Variants in EPB41 observed in about 807,000 individuals in gnomAD.
EPB41 encodes the protein protein 4.1.
EPB41 carries 65 observed loss-of-function variants against 108.0 expected under a neutral mutation model. The ratio of observed to expected loss-of-function variants is 0.60; its 90% CI spans 0.49 to 0.74. The LOEUF is 0.74. Among genes scored for constraint, EPB41 ranks in the 30% least tolerant of loss-of-function variants. The pLI is 0.00. For missense variants in EPB41, 875 were observed against 1,037.0 expected, an observed-to-expected ratio of 0.84 and a Z score of 2.15; for synonymous variants, 336 against 358.9, an observed-to-expected ratio of 0.94 and a Z score of 0.72.
chr1:29,011,292 G>A (rs1015372803), intron 4 of EPB41, among the ~76,000 whole-genome samples: 2 of 151,782 alleles, frequency 1.3e-5, no homozygotes, highest in African/African-American at 2.4e-5. Context: ...TTGAACCCAC[G>A]AGGCGGAGGT....
intron 11 of EPB41, chr1:29,041,600 T>C (rs1641573706): frequency 6.6e-6 from 1 of 152,000 alleles, no homozygotes; most frequent in African/African-American, 2.4e-5. Context: ...AAAAGCAAGA[T>C]ACATGTTGTT....
intron 4 of EPB41, among the ~76,000 whole-genome samples, chr1:29,006,827 G>C (rs1368862167): frequency 6.6e-6 from 1 of 151,876 alleles, no homozygotes; most frequent in African/African-American, 2.4e-5. Flanking sequence ...TTGAGCCGGA[G>C]AGGTGGAGGT....
chr1:29,109,351 G>A lies in EPB41; in HGVS notation c.2329G>A (p.Gly777Arg), dbSNP rs1421295153. The change falls in exon 18 of 21, where the codon GGA (glycine) becomes AGA (arginine). Residue 777 changes from glycine to arginine, a missense_variant. This residue lies in a region of EPB41 where 519 missense variants were observed against 627.3 expected (regional missense o/e 0.83). Transcript: ENST00000343067. Reference sequence around the variant, plus strand: ...TCTTCTGCAGACTGACGACAACAGTGGAGACTTGGACCCAGGAGTCTTGCT... The same window carrying A: ...TCTTCTGCAGACTGACGACAACAGTAGAGACTTGGACCCAGGAGTCTTGCT... ...YEAAQTDDNS[G>R]DLDPGVLLTA... 6.2e-7 allele frequency: 1 copy of A among 1,614,060 alleles called. No individual in the cohort carries two copies. The highest frequency in any genetic ancestry group is 8.5e-7 in the Non-Finnish European group (1 of 1,179,950).
chr1:29,030,713 G>C (rs547798518), intron 8 of EPB41, among the ~76,000 whole-genome samples: 1 of 151,694 alleles, frequency 6.6e-6, no homozygotes, highest in Non-Finnish European at 1.5e-5. Flanking sequence ...GAGATCGAGC[G>C]TACAGTGAGC....
At chr1:28,926,183 TAA>T (rs5773225) in intron 1 of EPB41, among the ~76,000 whole-genome samples, 488 of 146,836 alleles carry the variant, frequency 3.3e-3, no homozygotes, top group Admixed American at 3.7e-3. Flanking sequence ...CCATCTCTAC[TAA>T]AAAAAAAAAA....
intron 16 of EPB41, chr1:29,070,233 GC>G (rs1230280531): frequency 1.1e-5 from 8 of 736,960 alleles, no homozygotes; most frequent in East Asian, 1.0e-4. Flanking sequence ...ATAAAGTAAA[GC>G]TAAAATGAAG....
chr1:29,103,360 T>G (rs574059593), intron 17 of EPB41, among the ~76,000 whole-genome samples: 2 of 152,212 alleles, frequency 1.3e-5, no homozygotes, highest in Admixed American at 6.6e-5. Context: ...TAGAGAAATA[T>G]AAAGGCAGCG....
rs1239116825 is a variant in EPB41, at chr1:29,035,903, A to G, written c.1443A>G (p.Val481=). 7 of 1,612,512 alleles carry G rather than the reference A, an allele frequency of 4.3e-6. No homozygotes were observed. Among genetic ancestry groups the G allele is most frequent in the Non-Finnish European group, 5.9e-6 (7 of 1,178,614 alleles). Residue 481 remains valine, a synonymous_variant, in exon 10 of 21, where the codon GTA becomes GTG. Transcript: ENST00000343067. ...CTAAGAAATTATGGAAAGTCTGTGT[A>G]GAACATCACACGTTTTTCAGGTATT... ...RAAKKLWKVC[V]EHHTFFRLTS...
chr1:29,048,131 T>C (rs1643855962), intron 11 of EPB41, among the ~76,000 whole-genome samples: 1 of 152,126 alleles, frequency 6.6e-6, no homozygotes, highest in African/African-American at 2.4e-5. Flanking sequence ...AAAGTAATTG[T>C]CTTAAGTTTT....
At chr1:29,102,361 T>C (rs1174296178) in intron 17 of EPB41, among the ~76,000 whole-genome samples, 2 of 152,086 alleles carry the variant, frequency 1.3e-5, no homozygotes, top group East Asian at 3.9e-4. Context: ...AAGGGATGTA[T>C]ATTGCAGCTA....
chr1:28,902,263 T>C (rs1219444483), intron 1 of EPB41: 7 of 985,330 alleles, frequency 7.1e-6, no homozygotes, highest in Non-Finnish European at 8.4e-6. Context: ...GCTTCTGATA[T>C]TTTCTGCCAG....
chr1:28,905,619 C>T (rs1250152087), intron 1 of EPB41, among the ~76,000 whole-genome samples: 1 of 152,098 alleles, frequency 6.6e-6, no homozygotes, highest in African/African-American at 2.4e-5. Flanking sequence ...CATGCCTGAT[C>T]TCTGACTCCA....
chr1:29,113,243 G>A (rs1352038927), intron 19 of EPB41, among the ~76,000 whole-genome samples: 1 of 152,242 alleles, frequency 6.6e-6, no homozygotes, highest in East Asian at 1.9e-4. Context: ...TAAAGCTGCA[G>A]AGAAGAGGGG....
In EPB41 at chr1:28,887,599, A is replaced by C; in HGVS notation, c.-8+389A>C. The C allele has an allele frequency of 6.1e-6, 6 of 984,994 alleles. No homozygotes were observed. Among genetic ancestry groups the C allele is most frequent in the East Asian group, 1.1e-4 (1 of 8,746 alleles). The allele number at this position is 984,994 out of a possible 1,614,324, so 61.0% of individuals were successfully genotyped here. A position where few individuals can be genotyped will look rare whatever the true frequency, so the allele number is the denominator to read the frequency against. ...CTAGCCCCGCCTTGCCCGGCCCCGC[A>C]TGCTCCTGCCGGGCCCGCAGCAGCG... is the stretch of plus-strand genomic sequence containing the variant. On this transcript the variant is annotated intron_variant, in intron 1 of 16. Transcript: ENST00000347529. This position sits in a 1 kb window ranked among gnomAD's most constrained non-coding sequence, Gnocchi z 4.9.
chr1:28,987,884 A>T lies in EPB41; in HGVS notation c.447A>T (p.Ser149=). 1 of 1,614,244 alleles carries T rather than the reference A, an allele frequency of 6.2e-7. No homozygotes were observed. The highest frequency in any genetic ancestry group is 8.5e-7 in the Non-Finnish European group (1 of 1,180,034). ...LKTDPSLDLH[S]LSSAETQPAQ... ...CAGACCCATCTTTGGATCTTCATTC[A>T]TTAAGCAGTGCAGAAACACAGGTAA... Residue 149 remains serine, a synonymous_variant, in exon 2 of 21, where the codon TCA becomes TCT. Transcript: ENST00000343067.
intron 4 of EPB41, among the ~76,000 whole-genome samples, chr1:29,008,884 G>A (rs546067195): frequency 7.4e-4 from 113 of 152,086 alleles, no homozygotes; most frequent in Non-Finnish European, 1.4e-3. Context: ...TTTCTTCTTT[G>A]CCTGGCTAAC....
At position 28,997,224 on chromosome 1, in the gene EPB41, A is replaced by G. The variant is rs1253600912; in HGVS notation, c.691A>G (p.Lys231Glu). 6.2e-7 allele frequency: 1 copy of G among 1,612,372 alleles called. No individual in the cohort carries two copies. The highest frequency in any genetic ancestry group is 8.5e-7 in the Non-Finnish European group (1 of 1,178,504). ...VYECVVEKHA[K>E]GQDLLKRVCE... is the part of the protein sequence containing the mutation. ...ACGTATATCTTTGCAGAAACATGCT[A>G]AGGGACAAGATTTGCTTAAACGAGT... The change falls in exon 4 of 21, where the codon AAG (lysine) becomes GAG (glutamate). Residue 231 changes from lysine to glutamate, a missense_variant. Coordinates refer to ENST00000343067, the MANE Select transcript of EPB41 (RefSeq NM_001376013.1).
intron 16 of EPB41, among the ~76,000 whole-genome samples, chr1:29,080,840 G>A (rs1272823310): frequency 6.6e-6 from 1 of 152,082 alleles, no homozygotes; most frequent in Non-Finnish European, 1.5e-5. Context: ...TAGTCCCTTT[G>A]GGACATTTTC....
At chr1:29,089,248 CTA>C (rs1370239518) in intron 16 of EPB41, among the ~76,000 whole-genome samples, 2 of 152,182 alleles carry the variant, frequency 1.3e-5, no homozygotes, top group African/African-American at 4.8e-5. Flanking sequence ...CTGGACTAGA[CTA>C]TGAGTCTGGT....
Sources: allele counts gnomAD v4.1 joint callset (sites outside exome capture counted in the v4.1 genomes callset), GRCh38; gene constraint gnomAD v4.1.1; regional missense constraint gnomAD v4.1.1; non-coding constraint Gnocchi (gnomAD v3.1); transcripts MANE v1.5; gene names NCBI Gene and HGNC (gene_info 2026-07-23, HGNC 2026-07-21).